TRIM2: variants seen among roughly 807,000 people sequenced by gnomAD.
The protein encoded by TRIM2 is tripartite motif containing 2, also known as tripartite motif-containing protein 2.
TRIM2 carries 20 observed loss-of-function variants against 75.2 expected under a neutral mutation model. That is an observed-to-expected ratio of 0.27 (90% CI 0.19 to 0.39). The LOEUF is 0.39. Ranked by LOEUF, TRIM2 falls within the 10% of genes least tolerant of loss-of-function variation. TRIM2 has a pLI of 1.00. For missense variants in TRIM2, 660 were observed against 990.8 expected (o/e 0.67, Z 4.48); for synonymous variants, 373 against 388.3 (o/e 0.96, Z 0.46).
intron 1 of TRIM2, among the ~76,000 whole-genome samples, chr4:153,260,724 A>ACACACAT (rs528342465): frequency 6.7e-4 from 75 of 112,642 alleles, no homozygotes; most frequent in African/African-American, 2.1e-3. Context: ...ACACACACAC[A>ACACACAT]CATCATCATC....
At chr4:153,223,736 C>A (rs940637331) in intron 1 of TRIM2, among the ~76,000 whole-genome samples, 47 of 152,210 alleles carry the variant, frequency 3.1e-4, no homozygotes, top group African/African-American at 1.1e-3. Flanking sequence ...CATGGAGCAA[C>A]TGATGCCTTC....
intron 1 of TRIM2, among the ~76,000 whole-genome samples, chr4:153,153,639 TA>T (rs1478541893): frequency 6.6e-6 from 1 of 152,226 alleles, no homozygotes; most frequent in African/African-American, 2.4e-5. Context: ...AGGCGCGTTT[TA>T]CGGTTGGCTC....
chr4:153,259,544 A>G (rs942581507), intron 1 of TRIM2, among the ~76,000 whole-genome samples: 2 of 152,252 alleles, frequency 1.3e-5, no homozygotes, highest in African/African-American at 4.8e-5. Flanking sequence ...TGAATTTTAA[A>G]AAATGTGCTG....
chr4:153,255,936 G>T (rs548949137), intron 1 of TRIM2, among the ~76,000 whole-genome samples: 3 of 152,158 alleles, frequency 2.0e-5, no homozygotes, highest in Non-Finnish European at 2.9e-5. Flanking sequence ...AGGACTGTGG[G>T]GATGTGATGT....
intron 1 of TRIM2, among the ~76,000 whole-genome samples, chr4:153,218,848 CT>C (rs1186456566): frequency 1.3e-5 from 2 of 152,250 alleles, no homozygotes; most frequent in Non-Finnish European, 2.9e-5. Context: ...TCCCTACCTT[CT>C]CCAGGAAGCC....
At chr4:153,305,518 A>G (rs912704635) in intron 6 of TRIM2, among the ~76,000 whole-genome samples, 6 of 152,236 alleles carry the variant, frequency 3.9e-5, no homozygotes, top group African/African-American at 1.4e-4. Flanking sequence ...TATAAAGGAA[A>G]TAATTGTATT....
intron 1 of TRIM2, among the ~76,000 whole-genome samples, chr4:153,236,717 G>T (rs1025817005): frequency 4.2e-5 from 6 of 142,312 alleles, no homozygotes; most frequent in Non-Finnish European, 8.9e-5. Context: ...TTGAGACAGG[G>T]TCTCACTCTT....
At chr4:153,196,263 AC>A (rs113523472) in intron 1 of TRIM2, among the ~76,000 whole-genome samples, 50,484 of 135,502 alleles carry the variant, frequency 0.37, 9,131 homozygotes, top group Non-Finnish European at 0.44. Context: ...CATTCCTACC[AC>A]CCCCCCCCAC....
At chr4:153,254,249 C>A (rs1289282645) in intron 1 of TRIM2, among the ~76,000 whole-genome samples, 1 of 152,206 alleles carries the variant, frequency 6.6e-6, no homozygotes, top group Non-Finnish European at 1.5e-5. Flanking sequence ...CATACAGGGT[C>A]AGTAAATACT....
intron 3 of TRIM2, among the ~76,000 whole-genome samples, chr4:153,291,850 C>G (rs1411294389): frequency 6.6e-6 from 1 of 152,186 alleles, no homozygotes; most frequent in Non-Finnish European, 1.5e-5. Flanking sequence ...TACTAACCTA[C>G]TTATTCTTCA....
chr4:153,164,320 T>A (rs1194545241), intron 1 of TRIM2, among the ~76,000 whole-genome samples: 2 of 152,160 alleles, frequency 1.3e-5, no homozygotes, highest in Admixed American at 6.5e-5. Flanking sequence ...CACATGCACT[T>A]AATTTTTAAA....
chr4:153,199,191 T>C (rs530008471), intron 1 of TRIM2, among the ~76,000 whole-genome samples: 1 of 152,336 alleles, frequency 6.6e-6, no homozygotes, highest in African/African-American at 2.4e-5. Flanking sequence ...TGATGAAATT[T>C]CTGGCAAAGT....
intron 1 of TRIM2, among the ~76,000 whole-genome samples, chr4:153,211,365 G>A (rs4411965): frequency 0.047 from 7,187 of 152,214 alleles, 554 homozygotes; most frequent in African/African-American, 0.16. Flanking sequence ...TTGTAAACCT[G>A]CTCCTTGATA....
At chr4:153,239,752 T>C (rs180922142) in intron 1 of TRIM2, among the ~76,000 whole-genome samples, 2 of 152,332 alleles carry the variant, frequency 1.3e-5, no homozygotes, top group Admixed American at 1.3e-4. Context: ...ATGTCTCCTT[T>C]GTTCGTCTTT....
At chr4:153,267,734 T>C (rs998876760) in intron 1 of TRIM2, among the ~76,000 whole-genome samples, 3 of 151,160 alleles carry the variant, frequency 2.0e-5, no homozygotes, top group African/African-American at 7.3e-5. Context: ...ACCTCTTTTC[T>C]TTCCTTCCTT....
In TRIM2 at chr4:153,228,944, G is replaced by A. The variant is rs557217705; in HGVS notation, c.30+24384G>A. Among the ~76,000 whole-genome samples the A allele has an allele frequency of 9.2e-5, 14 of 152,184 alleles. No homozygotes were observed. In the South Asian group the frequency reaches 2.9e-3, roughly 32 times the overall value. The stretch of plus-strand genomic sequence containing the variant: ...CGTATAAAGCAACCGATGACTGAAG[G>A]CTAAAATCCACTCAGAGACCACAAA... On this transcript the variant is annotated intron_variant, in intron 1 of 11. Transcript: ENST00000338700.
intron 1 of TRIM2, among the ~76,000 whole-genome samples, chr4:153,225,650 T>G (rs533967644): frequency 6.6e-6 from 1 of 152,302 alleles, no homozygotes; most frequent in East Asian, 1.9e-4. Context: ...AATTGGCAAG[T>G]GCAACCTTTG....
intron 1 of TRIM2, among the ~76,000 whole-genome samples, chr4:153,180,539 G>A (rs990045235): frequency 6.6e-6 from 1 of 152,168 alleles, no homozygotes; most frequent in African/African-American, 2.4e-5. Flanking sequence ...GTCTTGCTGC[G>A]CAATCTTGGC....
intron 1 of TRIM2, among the ~76,000 whole-genome samples, chr4:153,240,538 CTT>C (rs1746281055): frequency 6.6e-6 from 1 of 152,230 alleles, no homozygotes; most frequent in Admixed American, 6.5e-5. Flanking sequence ...TAAATGGTGT[CTT>C]TTCCTACACT....
Sources: allele counts gnomAD v4.1 joint callset (sites outside exome capture counted in the v4.1 genomes callset), GRCh38; gene constraint gnomAD v4.1.1; transcripts MANE v1.5; gene names NCBI Gene and HGNC (gene_info 2026-07-23, HGNC 2026-07-21).